PIK3IP1: variants seen among roughly 807,000 people sequenced by gnomAD.
The protein encoded by PIK3IP1 is phosphoinositide-3-kinase-interacting protein 1.
PIK3IP1 carries 28 observed loss-of-function variants against 30.7 expected under a neutral mutation model. That is an observed-to-expected ratio of 0.91 (90% CI 0.68 to 1.25). The LOEUF is 1.25. PIK3IP1 is among the 50% of genes most tolerant of loss of function. The pLI, the probability that PIK3IP1 is intolerant of heterozygous loss-of-function variation, is 0.00. For missense variants in PIK3IP1, 333 were observed against 346.2 expected (o/e 0.96, Z 0.30); for synonymous variants, 159 against 140.8 (o/e 1.13, Z -0.91).
intron 5 of PIK3IP1, among the ~76,000 whole-genome samples, chr22:31,288,318 G>T (rs1048545988): frequency 7.9e-5 from 12 of 151,368 alleles, no homozygotes; most frequent in Admixed American, 5.3e-4. Flanking sequence ...GGTTGAGGCT[G>T]CAGTGAGCCG....
At position 31,291,222 on chromosome 22, in the gene PIK3IP1, A is replaced by C. The variant is rs1273787558; in HGVS notation, c.145T>G (p.Trp49Gly). 6.5e-7 allele frequency: 1 copy of C among 1,550,266 alleles called. No individual in the cohort carries two copies. Among genetic ancestry groups the C allele is most frequent in the Non-Finnish European group, 8.7e-7 (1 of 1,146,958 alleles). Residue 49 changes from tryptophan (W) to glycine (G), a missense_variant, in exon 2 of 6, where the codon TGG (tryptophan) becomes GGG (glycine). Around this residue, in one of 3 missense-constraint regions of PIK3IP1, gnomAD observed 111 missense variants for 100.1 expected, o/e 1.11. Transcript: ENST00000215912. ...GCCAGCCCGCTCTGCGCGTCCAGCC[A>C]GTTGAGGCAGCGGAGGCCCGGCGCG... The part of the protein sequence containing the change: ...SPAPGLRCLN[W>G]LDAQSGLASA...
rs1465111069 is a variant in PIK3IP1, at chr22:31,281,679, T to C, written c.*1405A>G. ...GTGTCAGAATGAGGTATATAAAACA[T>C]GTATATAGAGAAATGCCTTTATAGA... On this transcript the variant is annotated 3_prime_UTR_variant, in exon 6 of 6. Transcript: ENST00000215912. The C allele has an allele frequency of 1.3e-5, 2 of 152,176 alleles. No homozygotes were observed. 9.4% of individuals were successfully genotyped at this position (152,176 alleles called of 1,614,324 possible). A position where few individuals can be genotyped will look rare whatever the true frequency, so the allele number is the denominator to read the frequency against.
intron 3 of PIK3IP1, chr22:31,290,760 C>T: frequency 2.8e-6 from 2 of 704,780 alleles, no homozygotes; most frequent in Non-Finnish European, 4.3e-6. Flanking sequence ...TGTTTACAAG[C>T]GCTCGCGGCG....
upstream of PIK3IP1, chr22:31,292,534 T>A (rs2049189041): frequency 6.8e-6 from 4 of 591,098 alleles, no homozygotes; most frequent in Non-Finnish European, 1.2e-5. Context: ...GTTTTTCAGC[T>A]GAAAGGCGCC....
At chr22:31,292,221 T>TTTACCCCTTCTGTTTCATGAAG in intron 1 of PIK3IP1, 54 bp downstream of exon 1, 1 of 1,560,360 alleles carries the variant, frequency 6.4e-7, no homozygotes, top group Admixed American at 1.7e-5. Context: ...AATAGGGGGC[T>TTTACCCCTTCTGTTTCATGAAG]TTACCCCTTC....
At chr22:31,285,590 C>T (rs1270858275) in intron 5 of PIK3IP1, among the ~76,000 whole-genome samples, 1 of 152,222 alleles carries the variant, frequency 6.6e-6, no homozygotes, top group Non-Finnish European at 1.5e-5. Context: ...AGGTAAATAA[C>T]TTGTCCAGTG....
rs150744028 is a variant in PIK3IP1 at position 31,291,656 on chromosome 22, G to A, written c.71-360C>T. 7.9e-4 allele frequency among the ~76,000 whole-genome samples: 120 copies of A among 152,324 alleles called. No homozygotes were observed. The East Asian group carries it at 0.015, about 19-fold the overall frequency. On this transcript the variant is annotated intron_variant, in intron 1 of 5. Coordinates refer to ENST00000215912, the MANE Select transcript of PIK3IP1 (RefSeq NM_052880.5). ...TGGAGGAGGAGATGGAGAGGAGGAG[G>A]CCTGGCTTAGGGTCCCTTTGAGGAG...
Position 31,283,038 on chromosome 22 carries a change from C to T in PIK3IP1, c.*46G>A. On this transcript the variant is annotated 3_prime_UTR_variant, in exon 6 of 6. Transcript: ENST00000215912. ...TTCCTCCTAGCTGTAGGAGGGTGGG[C>T]TGTCCTGCACCAGTGTCTGCATGGG... 6.8e-7 allele frequency: 1 copy of T among 1,468,108 alleles called. No homozygotes were observed. The highest frequency in any genetic ancestry group is 9.3e-7 in the Non-Finnish European group (1 of 1,075,114). 90.9% of individuals were successfully genotyped at this position (1,468,108 alleles called of 1,614,324 possible). A position where few individuals can be genotyped will look rare whatever the true frequency, so the allele number is the denominator to read the frequency against.
chr22:31,288,204 C>T (rs1291806183), intron 5 of PIK3IP1, among the ~76,000 whole-genome samples: 1 of 152,044 alleles, frequency 6.6e-6, no homozygotes, highest in African/African-American at 2.4e-5. Context: ...CAGTGAGACC[C>T]TGTCTCTATA....
At chr22:31,290,889 G>T (rs1280949308) in intron 3 of PIK3IP1, 76 bp downstream of exon 3, 31 of 1,460,212 alleles carry the variant, frequency 2.1e-5, no homozygotes, top group Non-Finnish European at 2.8e-5. Flanking sequence ...TCGCGCGGCC[G>T]CACGTGCGCC....
rs1046098308 is a variant in PIK3IP1 at position 31,282,821 on chromosome 22, G to T, written c.*263C>A. 1 of 443,614 alleles carries T rather than the reference G, an allele frequency of 2.3e-6. No homozygotes were observed. Among genetic ancestry groups the T allele is most frequent in the Non-Finnish European group, 4.1e-6 (1 of 242,242 alleles). The allele number at this position is 443,614 out of a possible 1,614,324, so 27.5% of individuals were successfully genotyped here. A position where few individuals can be genotyped will look rare whatever the true frequency, so the allele number is the denominator to read the frequency against. Reference sequence around the variant, plus strand: ...CAATGTTTGGAAGCCCTTAGCAGCAGCATCACTGTGGGAGCTGCCACTGTC... The same window carrying T: ...CAATGTTTGGAAGCCCTTAGCAGCATCATCACTGTGGGAGCTGCCACTGTC... On this transcript the variant is annotated 3_prime_UTR_variant, in exon 6 of 6. Transcript: ENST00000215912.
rs1378658194 is a variant in PIK3IP1 at position 31,282,897 on chromosome 22, G to C, written c.*187C>G. On this transcript the variant is annotated 3_prime_UTR_variant, in exon 6 of 6. Coordinates refer to ENST00000215912, the MANE Select transcript of PIK3IP1 (RefSeq NM_052880.5). ...AAGGGATGGACAAGGAGCACTGTTA[G>C]GACCCTACCCAGCCTTACCCTCAGC... 1.7e-6 allele frequency: 1 copy of C among 592,146 alleles called. No homozygotes were observed. Among genetic ancestry groups the C allele is most frequent in the Non-Finnish European group, 3.0e-6 (1 of 332,928 alleles). 36.7% of individuals were successfully genotyped at this position (592,146 alleles called of 1,614,324 possible).
intron 3 of PIK3IP1, chr22:31,290,722 G>A (rs972744190): frequency 3.9e-6 from 2 of 517,400 alleles, no homozygotes; most frequent in Non-Finnish European, 6.5e-6. Context: ...GAGAGACCTA[G>A]CCTCACCCCA....
In PIK3IP1 at chr22:31,291,054, G is replaced by T. The variant is rs1317880677; in HGVS notation, c.218C>A (p.Pro73Gln). ...CCAGGGCCCGCGCGGGTCCTCGTCC[G>T]GGTTTCGGCAGTAACTGTGATTGCC... is the stretch of plus-strand genomic sequence containing the variant. The part of the protein sequence containing the change: ...GAGNHSYCRN[P>Q]DEDPRGPWCY... Residue 73 changes from proline (P) to glutamine (Q), a missense_variant, in exon 3 of 6, where the codon CCG becomes CAG. This residue lies in a region of PIK3IP1 where 111 missense variants were observed against 100.1 expected (regional missense o/e 1.11). Transcript: ENST00000215912. 4 of 1,564,944 alleles carry T rather than the reference G, an allele frequency of 2.6e-6. No homozygotes were observed. The highest frequency in any genetic ancestry group is 3.5e-6 in the Non-Finnish European group (4 of 1,153,920).
intron 5 of PIK3IP1, 144 bp from the exon 6 acceptor site, chr22:31,283,432 T>G (rs1187494524): frequency 4.9e-6 from 4 of 816,596 alleles, no homozygotes; most frequent in Non-Finnish European, 5.9e-6. Context: ...CAAACTCAGG[T>G]CCAGGATTCT....
At chr22:31,286,781 A>T (rs1222499705) in intron 5 of PIK3IP1, among the ~76,000 whole-genome samples, 1 of 152,160 alleles carries the variant, frequency 6.6e-6, no homozygotes, top group African/African-American at 2.4e-5. Context: ...TAGTTCAAGG[A>T]CTAAACTCAG....
rs2049155784 is a variant in PIK3IP1, at chr22:31,289,411, C to A, written c.509-18G>T. Reference sequence around the variant, plus strand: ...CACGTAGCCTGCCAAGGATAGGACACAAGGTCCCATTAGCCACACCCTAGA... The same window carrying A: ...CACGTAGCCTGCCAAGGATAGGACAAAAGGTCCCATTAGCCACACCCTAGA... On this transcript the variant is annotated intron_variant, in intron 4 of 5. Coordinates refer to ENST00000215912, the MANE Select transcript of PIK3IP1 (RefSeq NM_052880.5). The A allele has an allele frequency of 6.3e-7, 1 of 1,593,538 alleles. No homozygotes were observed. The highest frequency in any genetic ancestry group is 1.1e-5 in the South Asian group (1 of 88,458).
At chr22:31,290,883 G>A (rs2049170957) in intron 3 of PIK3IP1, 82 bp downstream of exon 3, 2 of 1,446,952 alleles carry the variant, frequency 1.4e-6, no homozygotes, top group Non-Finnish European at 1.8e-6. Flanking sequence ...CCGGCATCGC[G>A]CGGCCGCACG....
At position 31,282,646 on chromosome 22, in the gene PIK3IP1, C is replaced by A. The variant is rs1045558110; in HGVS notation, c.*438G>T. On this transcript the variant is annotated 3_prime_UTR_variant, in exon 6 of 6. Coordinates refer to ENST00000215912, the MANE Select transcript of PIK3IP1 (RefSeq NM_052880.5). The stretch of plus-strand genomic sequence containing the variant: ...ATTTTAAAAACTAAATATATTTTTT[C>A]AATGCCATCCCTTGACCTGCTTTAC... 7 of 158,960 alleles carry A rather than the reference C, an allele frequency of 4.4e-5. No individual in the cohort carries two copies. The highest frequency in any genetic ancestry group is 8.3e-5 in the Non-Finnish European group (6 of 72,058). 9.8% of individuals were successfully genotyped at this position (158,960 alleles called of 1,614,324 possible). A position where few individuals can be genotyped will look rare whatever the true frequency, so the allele number is the denominator to read the frequency against.
Sources: allele counts gnomAD v4.1 joint callset (sites outside exome capture counted in the v4.1 genomes callset), GRCh38; gene constraint gnomAD v4.1.1; regional missense constraint gnomAD v4.1.1; transcripts MANE v1.5; gene names NCBI Gene and HGNC (gene_info 2026-07-23, HGNC 2026-07-21).